Variants in ZFP64 observed in about 807,000 individuals in gnomAD.
ZFP64 encodes zinc finger protein 64.
Under a neutral mutation model 51.6 loss-of-function variants are expected in ZFP64, and 14 were observed. The observed-to-expected ratio is 0.27, with a 90% CI of 0.18 to 0.42. ZFP64 has a LOEUF of 0.42. Among genes scored for constraint, ZFP64 ranks in the 10% least tolerant of loss-of-function variants. The probability of loss-of-function intolerance (pLI) is 1.00; values close to 1 mark genes in which losing one functional copy is unlikely to be tolerated. For missense variants in ZFP64, 754 were observed against 906.8 expected, an observed-to-expected ratio of 0.83 and a Z score of 2.16; for synonymous variants, 375 against 361.4, an observed-to-expected ratio of 1.04 and a Z score of -0.43.
At chr20:52,140,113 GTGTT>G (rs1283982520) in intron 5 of ZFP64, among the ~76,000 whole-genome samples, 7 of 152,114 alleles carry the variant, frequency 4.6e-5, no homozygotes, top group Admixed American at 1.3e-4. Flanking sequence ...AATGTAGTGT[GTGTT>G]CTGACTGCTC....
intron 5 of ZFP64, among the ~76,000 whole-genome samples, chr20:52,121,719 C>G (rs1445572746): frequency 6.6e-6 from 1 of 152,182 alleles, no homozygotes; most frequent in Admixed American, 6.5e-5. Flanking sequence ...AAGGAGGCTA[C>G]ACTGAGCAAC....
At chr20:52,130,482 G>A (rs1431184659) in intron 5 of ZFP64, among the ~76,000 whole-genome samples, 1 of 152,074 alleles carries the variant, frequency 6.6e-6, no homozygotes, top group Non-Finnish European at 1.5e-5. Flanking sequence ...CCAAAGTGCT[G>A]GGATTACAGA....
At chr20:52,093,124 T>C (rs2078946381) in intron 7 of ZFP64, among the ~76,000 whole-genome samples, 3 of 151,644 alleles carry the variant, frequency 2.0e-5, no homozygotes. Flanking sequence ...CTGTTCCAAA[T>C]CAGGAGATTA....
chr20:52,110,670 C>T, intron 5 of ZFP64: 1 of 1,467,384 alleles, frequency 6.8e-7, no homozygotes, highest in Non-Finnish European at 9.3e-7. Context: ...GGCCACCTGG[C>T]ATAGCTAGCT....
intron 7 of ZFP64, among the ~76,000 whole-genome samples, chr20:52,094,523 G>T (rs1394943863): frequency 6.6e-6 from 1 of 152,202 alleles, no homozygotes; most frequent in African/African-American, 2.4e-5. Flanking sequence ...CACTTTGGAA[G>T]GCCGAGGCAG....
exon 7 of ZFP64, chr20:52,097,412 C>T: frequency 1.2e-6 from 2 of 1,612,362 alleles, no homozygotes; most frequent in Non-Finnish European, 1.7e-6. Flanking sequence ...TCTTTCATGC[C>T]ATGGACAGTT....
At chr20:52,088,724 C>T in intron 7 of ZFP64, 2 of 1,587,610 alleles carry the variant, frequency 1.3e-6, no homozygotes, top group Non-Finnish European at 1.7e-6. Context: ...ATAGCCTGGG[C>T]ATATGGGTGT....
At chr20:52,097,485 T>A in intron 6 of ZFP64, 2 of 1,547,900 alleles carry the variant, frequency 1.3e-6, no homozygotes, top group Non-Finnish European at 8.7e-7. Context: ...GACAGAGTTT[T>A]GCTCTGTCGC....
At chr20:52,184,816 TG>T (rs1983845984) in intron 2 of ZFP64, among the ~76,000 whole-genome samples, 1 of 151,554 alleles carries the variant, frequency 6.6e-6, no homozygotes, top group Non-Finnish European at 1.5e-5. Flanking sequence ...AATGTAGAGG[TG>T]GGGTCTTGCT....
At chr20:52,110,787 G>A in intron 5 of ZFP64, 1 of 1,592,886 alleles carries the variant, frequency 6.3e-7, no homozygotes, top group Non-Finnish European at 8.6e-7. Flanking sequence ...AGAAGACTGG[G>A]TAGCTCTCTT....
chr20:52,094,526 C>A (rs113856034), intron 7 of ZFP64, among the ~76,000 whole-genome samples: 2 of 152,026 alleles, frequency 1.3e-5, no homozygotes, highest in African/African-American at 4.8e-5. Flanking sequence ...TTTGGAAGGC[C>A]GAGGCAGGAA....
At chr20:52,189,225 GTC>G (rs1568711036) in intron 1 of ZFP64, among the ~76,000 whole-genome samples, 1 of 151,658 alleles carries the variant, frequency 6.6e-6, no homozygotes, top group African/African-American at 2.4e-5. Context: ...GTGAAACCCC[GTC>G]TCTACTAAAA....
intron 5 of ZFP64, among the ~76,000 whole-genome samples, chr20:52,102,711 A>G (rs921873156): frequency 1.3e-5 from 2 of 152,192 alleles, no homozygotes; most frequent in Admixed American, 6.5e-5. Context: ...ATAAGTTTCA[A>G]TTCCAGTTTT....
At position 52,095,012 on chromosome 20, in the gene ZFP64, C is replaced by A. The variant is rs145677919; in HGVS notation, c.976+2361G>T. Among the ~76,000 whole-genome samples the A allele has an allele frequency of 7.8e-3, 1,186 of 152,260 alleles. 14 individuals are homozygous for A. The highest frequency in any genetic ancestry group is 0.027 in the African/African-American group (1,125 of 41,540). On this transcript the variant is annotated intron_variant, in intron 7 of 8. Coordinates refer to the ZFP64 transcript ENST00000361387. ...TTCAATTTGAACTGAAGCACCAAAG[C>A]CAAGGCACACAAGGTCAAATACGAA...
chr20:52,172,451 T>C (rs1302524734), intron 2 of ZFP64, among the ~76,000 whole-genome samples: 1 of 152,150 alleles, frequency 6.6e-6, no homozygotes, highest in Non-Finnish European at 1.5e-5. Flanking sequence ...GAATTCTCAG[T>C]GGACATTACG....
downstream of ZFP64, among the ~76,000 whole-genome samples, chr20:52,148,530 G>A (rs1257584025): frequency 6.6e-6 from 1 of 152,072 alleles, no homozygotes; most frequent in Non-Finnish European, 1.5e-5. Context: ...GCGAAATCTC[G>A]TCTCTACTAA....
In ZFP64 at chr20:52,187,142, T is replaced by C. The variant is rs945702853; in HGVS notation, c.47-71A>G. The C allele has an allele frequency of 5.3e-6, 8 of 1,510,570 alleles. No individual in the cohort carries two copies. In the African/African-American group the frequency reaches 1.1e-4, roughly 21 times the overall value. The allele number at this position is 1,510,570 out of a possible 1,614,324, so 93.6% of individuals were successfully genotyped here. A position where few individuals can be genotyped will look rare whatever the true frequency, so the allele number is the denominator to read the frequency against. ...TGAATTGTAATGCAGACCAGATTCA[T>C]GGTAGGAAGAAAAGGCATGGTGGCA... On this transcript the variant is annotated intron_variant, in intron 1 of 5. Transcript: ENST00000216923.
intron 2 of ZFP64, among the ~76,000 whole-genome samples, chr20:52,172,048 A>G (rs538829663): frequency 1.5e-4 from 23 of 152,136 alleles, no homozygotes; most frequent in African/African-American, 5.3e-4. Context: ...CGCCCGACCA[A>G]CTGGGTGTTT....
intron 1 of ZFP64, among the ~76,000 whole-genome samples, chr20:52,187,369 C>T (rs1984047044): frequency 6.6e-6 from 1 of 152,068 alleles, no homozygotes. Context: ...TGCCTGTAAT[C>T]CTGGCACTTT....
Sources: gnomAD v4.1 joint callset for allele counts (sites outside exome capture counted in the v4.1 genomes callset) on GRCh38, gnomAD v4.1.1 for gene constraint, MANE v1.5 for transcripts, NCBI Gene and HGNC (gene_info 2026-07-23, HGNC 2026-07-21) for gene names.